Variants in ANXA8L1 observed in about 807,000 individuals in gnomAD.
ANXA8L1 encodes the protein annexin A8 like 1.
Under a neutral mutation model 22.5 loss-of-function variants are expected in ANXA8L1, and 10 were observed. The ratio of observed to expected loss-of-function variants is 0.44; its 90% confidence interval spans 0.27 to 0.75. The LOEUF is 0.75. Among genes scored for constraint, ANXA8L1 ranks in the 30% least tolerant of loss-of-function variants. The pLI is 0.15. For synonymous variants in ANXA8L1, 36 were observed against 86.0 expected (o/e 0.42, Z 3.22); for missense variants, 88 against 219.6 (o/e 0.40, Z 3.79).
rs1840019470 is a variant in ANXA8L1 at position 46,384,974 on chromosome 10, G to T, written c.552+141G>T. On this transcript the variant is annotated intron_variant, in intron 7 of 11. Coordinates refer to ENST00000619162, the MANE Select transcript of ANXA8L1 (RefSeq NM_001098845.3). ...TATAGGCCTTTGTCCTGTGGTGTCTGGGGAGGAGAGTGAGGGTGTTGGGAG... is the reference window on the plus strand; with the variant it reads ...TATAGGCCTTTGTCCTGTGGTGTCTTGGGAGGAGAGTGAGGGTGTTGGGAG... 2.2e-6 allele frequency: 3 copies of T among 1,349,086 alleles called. No individual in the cohort carries two copies. In the South Asian group the frequency reaches 3.8e-5, roughly 17 times the overall value. The allele number at this position is 1,349,086 out of a possible 1,614,324, so 83.6% of individuals were successfully genotyped here.
intron 1 of ANXA8L1, among the ~76,000 whole-genome samples, chr10:46,376,262 TG>T (rs1839927590): frequency 7.1e-6 from 1 of 140,212 alleles, no homozygotes; most frequent in Non-Finnish European, 1.5e-5. Context: ...TCAGGCATAC[TG>T]CTCCTGGCAG....
chr10:46,390,845 C>A, intron 11 of ANXA8L1, 26 bp from the exon 12 acceptor site: 2 of 1,110,348 alleles, frequency 1.8e-6, no homozygotes, highest in Non-Finnish European at 2.5e-6. Context: ...AACCCCTTCT[C>A]ACGCTTATGC....
rs1473772604 is a variant in ANXA8L1 at position 46,385,623 on chromosome 10, C to T, written c.647-89C>T. The T allele has an allele frequency of 2.6e-5, 10 of 385,298 alleles. 1 individual carries two copies. Among genetic ancestry groups the T allele is most frequent in the Non-Finnish European group, 3.8e-5 (8 of 210,008 alleles). 23.9% of individuals were successfully genotyped at this position (385,298 alleles called of 1,614,324 possible). A position where few individuals can be genotyped will look rare whatever the true frequency, so the allele number is the denominator to read the frequency against. On this transcript the variant is annotated intron_variant, in intron 8 of 11. Coordinates refer to ENST00000619162, the MANE Select transcript of ANXA8L1 (RefSeq NM_001098845.3). The stretch of plus-strand genomic sequence containing the variant: ...CCCAGCCACCAGTGGGAGGTCAGGG[C>T]GGCAAATTGATGTGCGATCTCTGAT...
At chr10:46,384,527 C>T (rs1464475800) in intron 6 of ANXA8L1, among the ~76,000 whole-genome samples, 17 of 114,716 alleles carry the variant, frequency 1.5e-4, no homozygotes, top group Non-Finnish European at 2.0e-4. Flanking sequence ...GTCCTTCGTG[C>T]AGACCTCATG....
At chr10:46,376,056 C>T in intron 1 of ANXA8L1, 184 bp downstream of exon 1, 1 of 970,886 alleles carries the variant, frequency 1.0e-6, no homozygotes, top group Non-Finnish European at 1.6e-6. Flanking sequence ...CCTAGAGTGC[C>T]CACGGCAGGG....
At chr10:46,382,507 C>CA (rs1839988855) in intron 3 of ANXA8L1, 72 bp from the exon 4 acceptor site, 1 of 985,162 alleles carries the variant, frequency 1.0e-6, no homozygotes, top group Non-Finnish European at 1.4e-6. Context: ...TGGACCCAGC[C>CA]ACCACTCCGC....
intron 5 of ANXA8L1, among the ~76,000 whole-genome samples, 169 bp downstream of exon 5, chr10:46,383,715 G>A (rs2133012649): frequency 4.3e-4 from 1 of 2,328 alleles, no homozygotes; most frequent in Admixed American, 2.7e-3. Context: ...GTGCCTGATG[G>A]TGACACTGAA....
intron 11 of ANXA8L1, among the ~76,000 whole-genome samples, chr10:46,389,322 G>A (rs1184320583): frequency 8.2e-5 from 10 of 122,536 alleles, no homozygotes; most frequent in East Asian, 6.5e-4. Context: ...CAATCTTGTC[G>A]GGAGACAGGA....
chr10:46,383,162 G>C (rs1471215395), intron 4 of ANXA8L1, among the ~76,000 whole-genome samples: 7 of 104,704 alleles, frequency 6.7e-5, no homozygotes, highest in Non-Finnish European at 1.2e-4. Context: ...CGCAGGGGAG[G>C]CTTCTTATTC....
intron 4 of ANXA8L1, 109 bp from the exon 5 acceptor site, chr10:46,383,347 C>A (rs1158409028): frequency 1.6e-5 from 19 of 1,180,100 alleles, no homozygotes; most frequent in Non-Finnish European, 2.3e-5. Context: ...TCAAGTGGGG[C>A]AGGGCAGTGA....
At chr10:46,390,249 G>T (rs1419798665) in intron 11 of ANXA8L1, among the ~76,000 whole-genome samples, 2 of 150,276 alleles carry the variant, frequency 1.3e-5, no homozygotes, top group Non-Finnish European at 3.0e-5. Flanking sequence ...CTCATCAGGA[G>T]ACAAACACTG....
chr10:46,389,717 C>T (rs1840055392), intron 11 of ANXA8L1, among the ~76,000 whole-genome samples: 1 of 151,268 alleles, frequency 6.6e-6, no homozygotes, highest in Non-Finnish European at 1.5e-5. Flanking sequence ...GAAAAATTGT[C>T]TTCAAAATAA....
intron 11 of ANXA8L1, among the ~76,000 whole-genome samples, chr10:46,390,010 T>G (rs1487440367): frequency 6.6e-6 from 1 of 150,860 alleles, no homozygotes; most frequent in Non-Finnish European, 1.5e-5. Context: ...TGGTCCAGAG[T>G]GTGGAAAGTG....
intron 11 of ANXA8L1, among the ~76,000 whole-genome samples, chr10:46,389,895 TA>T (rs200027207): frequency 6.6e-6 from 1 of 151,116 alleles, no homozygotes; most frequent in Non-Finnish European, 1.5e-5. Flanking sequence ...AGGAAAAAGT[TA>T]AAAAAATTTC....
chr10:46,388,573 TG>T (rs1270598842), intron 11 of ANXA8L1, 58 bp downstream of exon 11: 392 of 187,206 alleles, frequency 2.1e-3, no homozygotes, highest in African/African-American at 0.012. Flanking sequence ...CAGGGAAACC[TG>T]GAGGCTGTGG....
In ANXA8L1 at chr10:46,389,978, A is replaced by G. The variant is rs184728560; in HGVS notation, c.925-893A>G. ...AATTTTACTAAATGGTGAAAAGTAG[A>G]CAATAACCATGAGACCTAAACTGGT... is the stretch of plus-strand genomic sequence containing the variant. On this transcript the variant is annotated intron_variant, in intron 11 of 11. Transcript: ENST00000619162. 3.6e-4 allele frequency among the ~76,000 whole-genome samples: 54 copies of G among 151,662 alleles called. 1 individual carries two copies. The East Asian group carries it at 8.7e-3, about 24-fold the overall frequency.
intron 3 of ANXA8L1, chr10:46,381,463 C>G: frequency 2.4e-6 from 1 of 412,560 alleles, no homozygotes; most frequent in Non-Finnish European, 4.3e-6. Flanking sequence ...TGTCAGAGCC[C>G]GGGCCGGGGG....
At chr10:46,389,967 G>C (rs1423008344) in intron 11 of ANXA8L1, among the ~76,000 whole-genome samples, 2 of 151,538 alleles carry the variant, frequency 1.3e-5, no homozygotes, top group Non-Finnish European at 2.9e-5. Flanking sequence ...TTACTAAATG[G>C]TGAAAAGTAG....
chr10:46,381,068 C>T lies in ANXA8L1; in HGVS notation c.113-78C>T. On this transcript the variant is annotated intron_variant, in intron 2 of 11. Transcript: ENST00000619162. ...CAACTGCTCAGCCACCAAGCAGCTG[C>T]CTTCGCCTTCCCCTCCTCCGCCCTC... 4.9e-6 allele frequency: 2 copies of T among 404,044 alleles called. 1 individual carries two copies. 25.0% of individuals were successfully genotyped at this position (404,044 alleles called of 1,614,324 possible).
Sources: allele counts gnomAD v4.1 joint callset (sites outside exome capture counted in the v4.1 genomes callset), GRCh38; gene constraint gnomAD v4.1.1; transcripts MANE v1.5; gene names NCBI Gene and HGNC (gene_info 2026-07-23, HGNC 2026-07-21).